AGTPBP1: variants seen among roughly 807,000 people sequenced by gnomAD.
AGTPBP1 encodes cytosolic carboxypeptidase 1.
Under a neutral mutation model 143.9 loss-of-function variants are expected in AGTPBP1, and 70 were observed. The observed-to-expected ratio is 0.49, with a 90% CI of 0.40 to 0.59. The LOEUF is 0.59. Ranked by LOEUF, AGTPBP1 falls within the 20% of genes least tolerant of loss-of-function variation. The pLI, the probability that AGTPBP1 is intolerant of heterozygous loss-of-function variation, is 0.00. For missense variants in AGTPBP1, 1,229 were observed against 1,464.5 expected, an observed-to-expected ratio of 0.84 and a Z score of 2.62; for synonymous variants, 463 against 500.2, an observed-to-expected ratio of 0.93 and a Z score of 0.99.
intron 13 of AGTPBP1, among the ~76,000 whole-genome samples, chr9:85,635,066 C>T (rs572422704): frequency 1.3e-5 from 2 of 152,208 alleles, no homozygotes; most frequent in African/African-American, 2.4e-5. Flanking sequence ...GTTAATCAGT[C>T]GCAATTCTTC....
chr9:85,645,418 C>T (rs1832753714), intron 12 of AGTPBP1, among the ~76,000 whole-genome samples: 2 of 152,234 alleles, frequency 1.3e-5, no homozygotes, highest in South Asian at 4.2e-4. Flanking sequence ...AAGGGCAATA[C>T]CTGATGCCAG....
At chr9:85,599,445 A>T (rs1587711283) in intron 17 of AGTPBP1, among the ~76,000 whole-genome samples, 1 of 151,872 alleles carries the variant, frequency 6.6e-6, no homozygotes, top group East Asian at 1.9e-4. Context: ...TTCTTCCTTA[A>T]TTTGGAAGCC....
At chr9:85,608,037 A>C (rs758455260) in intron 17 of AGTPBP1, among the ~76,000 whole-genome samples, 10 of 152,280 alleles carry the variant, frequency 6.6e-5, no homozygotes, top group Non-Finnish European at 1.3e-4. Flanking sequence ...AATAAATTCA[A>C]TAAGTAGCAC....
At chr9:85,747,576 A>T in the AGTPBP1 span, among the ~76,000 whole-genome samples, 1 of 152,148 alleles carries the variant, frequency 6.6e-6, no homozygotes, top group Non-Finnish European at 1.5e-5. Flanking sequence ...TTAGTGTACC[A>T]GTAGTATTTT....
chr9:85,785,383 T>TAA, the AGTPBP1 span, among the ~76,000 whole-genome samples: 1 of 152,164 alleles, frequency 6.6e-6, no homozygotes, highest in Non-Finnish European at 1.5e-5. Flanking sequence ...AAAAGTATAC[T>TAA]AAGCATGCAT....
At chr9:85,805,133 C>T in the AGTPBP1 span, among the ~76,000 whole-genome samples, 96 of 152,314 alleles carry the variant, frequency 6.3e-4, no homozygotes, top group African/African-American at 2.2e-3. Context: ...CCCGTAGCTC[C>T]CTTTCTCCAG....
chr9:85,709,082 C>T (rs184774099), intron 2 of AGTPBP1, among the ~76,000 whole-genome samples: 9 of 152,112 alleles, frequency 5.9e-5, no homozygotes, highest in African/African-American at 2.2e-4. Context: ...AACCCTTTAG[C>T]AAATCAAATC....
At chr9:85,725,251 A>G (rs1328219620) in intron 1 of AGTPBP1, among the ~76,000 whole-genome samples, 1 of 152,220 alleles carries the variant, frequency 6.6e-6, no homozygotes, top group African/African-American at 2.4e-5. Flanking sequence ...GGAGTCCACA[A>G]GATATTGAAG....
rs146032502 is a variant in AGTPBP1 at position 85,701,360 on chromosome 9, G to A, written c.33-8547C>T. On this transcript the variant is annotated intron_variant, in intron 2 of 25. Coordinates refer to ENST00000357081, the MANE Select transcript of AGTPBP1 (RefSeq NM_001330701.2). ...TTCTCCTGCCTCAGCCTCCCGAGTA[G>A]CTAGGATTACAGGCACCCACCACCA... Among the ~76,000 whole-genome samples the A allele has an allele frequency of 7.7e-3, 1,164 of 151,706 alleles. 16 individuals carry two copies. Among genetic ancestry groups the A allele is most frequent in the African/African-American group, 0.027 (1,095 of 41,274 alleles).
chr9:85,595,282 T>C (rs539831352), intron 18 of AGTPBP1, among the ~76,000 whole-genome samples: 12 of 152,322 alleles, frequency 7.9e-5, no homozygotes, highest in African/African-American at 2.6e-4. Flanking sequence ...AGGGCATTAG[T>C]GCCAGTAAAG....
intron 23 of AGTPBP1, among the ~76,000 whole-genome samples, chr9:85,579,604 G>A (rs74948289): frequency 6.7e-6 from 1 of 149,234 alleles, no homozygotes; most frequent in Non-Finnish European, 1.5e-5. Context: ...TGTGTGTGGG[G>A]CGAGGGGGGG....
At chr9:85,654,947 C>T (rs896967922) in intron 11 of AGTPBP1, among the ~76,000 whole-genome samples, 196 bp downstream of exon 11, 1 of 152,160 alleles carries the variant, frequency 6.6e-6, no homozygotes. Flanking sequence ...TACAACACAT[C>T]CCACACCATT....
At chr9:85,592,832 A>G (rs1829058581) in intron 18 of AGTPBP1, 128 bp from the exon 19 acceptor site, 1 of 1,092,170 alleles carries the variant, frequency 9.2e-7, no homozygotes, top group African/African-American at 1.6e-5. Context: ...TAACTTAAAT[A>G]CCCTATTTTA....
Position 85,670,460 on chromosome 9 carries a change from T to C in AGTPBP1, c.569-882A>G, listed in dbSNP as rs569455116. 1.8e-3 allele frequency among the ~76,000 whole-genome samples: 276 copies of C among 152,222 alleles called. 2 individuals are homozygous for C. The highest frequency in any genetic ancestry group is 3.1e-3 in the Non-Finnish European group (212 of 68,014). On this transcript the variant is annotated intron_variant, in intron 7 of 25. Coordinates refer to ENST00000357081, the MANE Select transcript of AGTPBP1 (RefSeq NM_001330701.2). Reference sequence around the variant, plus strand: ...TAATGAGGACTTTAATTAAAGCAAGTGTAGCAGGGAAAAAGATGGAACAAT... The same window carrying C: ...TAATGAGGACTTTAATTAAAGCAAGCGTAGCAGGGAAAAAGATGGAACAAT...
At chr9:85,560,604 TA>T (rs1826645020) in intron 25 of AGTPBP1, among the ~76,000 whole-genome samples, 1 of 152,170 alleles carries the variant, frequency 6.6e-6, no homozygotes, top group Non-Finnish European at 1.5e-5. Context: ...AAAAATCCCC[TA>T]AGGAGTCTTT....
chr9:85,611,447 T>C (rs906839470), intron 17 of AGTPBP1, among the ~76,000 whole-genome samples: 1 of 151,412 alleles, frequency 6.6e-6, no homozygotes, highest in Non-Finnish European at 1.5e-5. Context: ...ATGAGATAAA[T>C]GTGATAATTT....
At chr9:85,620,926 T>C (rs1830893980) in intron 15 of AGTPBP1, among the ~76,000 whole-genome samples, 3 of 152,162 alleles carry the variant, frequency 2.0e-5, no homozygotes, top group South Asian at 4.1e-4. Context: ...TACAACATCA[T>C]TGTGTAACCT....
chr9:85,685,217 A>T (rs1835418926), intron 3 of AGTPBP1, among the ~76,000 whole-genome samples: 1 of 152,076 alleles, frequency 6.6e-6, no homozygotes, highest in Non-Finnish European at 1.5e-5. Context: ...TGAGCAACCA[A>T]AAATGTCCCA....
chr9:85,649,563 T>C (rs1796898099), intron 11 of AGTPBP1, among the ~76,000 whole-genome samples: 1 of 152,198 alleles, frequency 6.6e-6, no homozygotes, highest in African/African-American at 2.4e-5. Flanking sequence ...TTAAGACCTT[T>C]CTTTTCCCTA....
Sources: allele counts gnomAD v4.1 joint callset (sites outside exome capture counted in the v4.1 genomes callset), GRCh38; gene constraint gnomAD v4.1.1; transcripts MANE v1.5; gene names NCBI Gene and HGNC (gene_info 2026-07-23, HGNC 2026-07-21).